Variants in FKBP5 observed in about 807,000 individuals in gnomAD.
FKBP5 encodes FKBP prolyl isomerase 5.
FKBP5 carries 23 observed loss-of-function variants against 50.5 expected under a neutral mutation model. The ratio of observed to expected loss-of-function variants is 0.46; its 90% CI spans 0.33 to 0.65. The LOEUF is 0.65. FKBP5 is among the 30% of genes least tolerant of loss of function. The pLI is 0.02. For missense variants in FKBP5, 411 were observed against 553.1 expected, an observed-to-expected ratio of 0.74 and a Z score of 2.58; for synonymous variants, 176 against 190.6, an observed-to-expected ratio of 0.92 and a Z score of 0.63.
chr6:35,611,062 C>T (rs533720478), intron 5 of FKBP5, among the ~76,000 whole-genome samples: 1 of 152,272 alleles, frequency 6.6e-6, no homozygotes, highest in Non-Finnish European at 1.5e-5. Context: ...CCGCCTAAGC[C>T]TGTTGAGAAG....
chr6:35,705,232 ATATATATATATATATATATATATATAT>A (rs1766274539), intron 2 of FKBP5, among the ~76,000 whole-genome samples: 4 of 4,088 alleles, frequency 9.8e-4, no homozygotes, highest in Admixed American at 5.6e-3. Context: ...ATATATATAT[ATATATATATATATATATATATATATAT>A]TTTTTTTTTT....
In FKBP5 at chr6:35,605,473, G is replaced by A. The variant is rs974135242; in HGVS notation, c.509-8069C>T. ...TGCAGTGGTGCAACCATAACTCACCGAAGCCTGTATCACCCAGGCTCAAGT... is the reference window on the plus strand; with the variant it reads ...TGCAGTGGTGCAACCATAACTCACCAAAGCCTGTATCACCCAGGCTCAAGT... On this transcript the variant is annotated intron_variant, in intron 5 of 10. Coordinates refer to ENST00000357266, the MANE Select transcript of FKBP5 (RefSeq NM_004117.4). 7.3e-5 allele frequency among the ~76,000 whole-genome samples: 9 copies of A among 123,384 alleles called. 1 individual carries two copies. The highest frequency in any genetic ancestry group is 3.4e-4 in the Admixed American group (3 of 8,880). 80.9% of individuals were successfully genotyped at this position (123,384 alleles called of 152,430 possible). A position where few individuals can be genotyped will look rare whatever the true frequency, so the allele number is the denominator to read the frequency against.
intron 7 of FKBP5, among the ~76,000 whole-genome samples, chr6:35,588,685 C>T (rs1377150167): frequency 1.3e-5 from 2 of 151,830 alleles, no homozygotes; most frequent in South Asian, 2.1e-4. Flanking sequence ...ACTGTAGCCT[C>T]GATTTCCCAG....
At chr6:35,626,197 T>A (rs574134417) in intron 3 of FKBP5, among the ~76,000 whole-genome samples, 2 of 152,326 alleles carry the variant, frequency 1.3e-5, no homozygotes, top group African/African-American at 4.8e-5. Context: ...TATATATGTA[T>A]ACAAATGTAT....
intron 8 of FKBP5, chr6:35,583,784 T>G (rs765307974): frequency 1.0e-6 from 1 of 985,336 alleles, no homozygotes; most frequent in Non-Finnish European, 1.2e-6. Context: ...AGGAAAGAGA[T>G]GAAAGACAGG....
intron 1 of FKBP5, among the ~76,000 whole-genome samples, chr6:35,671,627 A>C (rs937208981): frequency 9.2e-5 from 14 of 152,164 alleles, no homozygotes; most frequent in African/African-American, 3.1e-4. Flanking sequence ...TTAAATTACA[A>C]AAAACTTCAT....
intron 5 of FKBP5, among the ~76,000 whole-genome samples, chr6:35,604,528 T>C (rs758704165): frequency 2.6e-5 from 4 of 152,154 alleles, no homozygotes; most frequent in Non-Finnish European, 5.9e-5. Flanking sequence ...TCATAAATAC[T>C]TCAAAAGCAT....
At chr6:35,614,236 C>T (rs1052572017) in intron 5 of FKBP5, among the ~76,000 whole-genome samples, 5 of 151,606 alleles carry the variant, frequency 3.3e-5, no homozygotes, top group South Asian at 2.1e-4. Flanking sequence ...TGACATAAAA[C>T]GTAATAAAAT....
At chr6:35,702,851 T>C (rs780193299) in intron 2 of FKBP5, among the ~76,000 whole-genome samples, 1 of 152,264 alleles carries the variant, frequency 6.6e-6, no homozygotes, top group Non-Finnish European at 1.5e-5. Context: ...TTAGAACACA[T>C]AGAAAATCTC....
At chr6:35,690,465 T>TAAAA (rs780318439), upstream of FKBP5, among the ~76,000 whole-genome samples, 1 of 130,498 alleles carries the variant, frequency 7.7e-6, no homozygotes, top group African/African-American at 2.8e-5. Context: ...GACTCCATTC[T>TAAAA]AAAAAAAAAA....
At chr6:35,688,624 C>G (rs1259526834) in intron 1 of FKBP5, 180 bp downstream of exon 1, 1 of 150,814 alleles carries the variant, frequency 6.6e-6, no homozygotes, top group East Asian at 1.9e-4. Flanking sequence ...GCCTCCCGCG[C>G]GCTCCCCTCG....
intron 8 of FKBP5, chr6:35,585,945 C>G: frequency 1.0e-6 from 1 of 984,270 alleles, no homozygotes; most frequent in South Asian, 4.7e-5. Flanking sequence ...CTCCTCCCTC[C>G]TGACAAGGTT....
intron 6 of FKBP5, among the ~76,000 whole-genome samples, chr6:35,593,039 A>G (rs944207311): frequency 1.3e-5 from 2 of 152,248 alleles, no homozygotes; most frequent in African/African-American, 4.8e-5. Flanking sequence ...GGTTAAAATG[A>G]AGCGATTCAG....
At position 35,726,617 on chromosome 6, in the gene FKBP5, C is replaced by T. The variant is rs796891461; in HGVS notation, c.-241+1891G>A. Among the ~76,000 whole-genome samples, 3 of 151,090 alleles carry T rather than the reference C, an allele frequency of 2.0e-5. 1 individual carries two copies. Among genetic ancestry groups the T allele is most frequent in the African/African-American group, 7.3e-5 (3 of 41,040 alleles). ...CTAGAACCTCCTGGGATCTTTCTCCCATATCTTTCTCCCTAGAACCACCTT... is the reference window on the plus strand; with the variant it reads ...CTAGAACCTCCTGGGATCTTTCTCCTATATCTTTCTCCCTAGAACCACCTT... On this transcript the variant is annotated intron_variant, in intron 1 of 11. Transcript: ENST00000536438.
intron 2 of FKBP5, among the ~76,000 whole-genome samples, chr6:35,705,213 AATATATATATATATATATATAT>A (rs869253345): frequency 5.6e-5 from 4 of 71,384 alleles, no homozygotes; most frequent in Admixed American, 2.0e-4. Context: ...TATATGTACA[AATATATATATATATATATATAT>A]ATATATATAT....
At chr6:35,624,763 T>C (rs79134986) in intron 3 of FKBP5, among the ~76,000 whole-genome samples, 3,422 of 152,168 alleles carry the variant, frequency 0.022, 52 homozygotes, top group Middle Eastern at 0.071. Context: ...CAAGCACAAG[T>C]CCTATAAAAT....
intron 7 of FKBP5, among the ~76,000 whole-genome samples, chr6:35,590,409 G>A (rs919477267): frequency 6.6e-6 from 1 of 152,288 alleles, no homozygotes; most frequent in African/African-American, 2.4e-5. Flanking sequence ...CTTTGGAAAT[G>A]CCAGGGGCAC....
intron 2 of FKBP5, among the ~76,000 whole-genome samples, chr6:35,705,243 TATATATATATA>T (rs1766280134): frequency 1.0e-3 from 3 of 2,860 alleles, no homozygotes; most frequent in Admixed American, 7.8e-3. Flanking sequence ...TATATATATA[TATATATATATA>T]TATATTTTTT....
intron 5 of FKBP5, 109 bp downstream of exon 5, chr6:35,618,987 C>T (rs1334839468): frequency 6.8e-6 from 5 of 739,258 alleles, no homozygotes; most frequent in Non-Finnish European, 1.2e-5. Context: ...TGAGTCACTG[C>T]GCACAGCCGA....
Sources: gnomAD v4.1 joint callset for allele counts (sites outside exome capture counted in the v4.1 genomes callset) on GRCh38, gnomAD v4.1.1 for gene constraint, MANE v1.5 for transcripts, NCBI Gene and HGNC (gene_info 2026-07-23, HGNC 2026-07-21) for gene names.